Variants in ZFP36L1 observed in about 807,000 individuals in gnomAD.
The protein encoded by ZFP36L1 is ZFP36 like 1 zinc finger CCCH-type, also known as mRNA decay activator protein ZFP36L1.
In ZFP36L1, 4 loss-of-function variants were observed where a neutral mutation model predicts 16.7. That is an observed-to-expected ratio of 0.24 (90% CI 0.12 to 0.55). The LOEUF (loss-of-function observed/expected upper bound fraction) is 0.55, where lower values mean the gene tolerates loss of function less well. Among genes scored for constraint, ZFP36L1 ranks in the 20% least tolerant of loss-of-function variants. The pLI is 0.94. For synonymous variants in ZFP36L1, 220 were observed against 190.8 expected, an observed-to-expected ratio of 1.15 and a Z score of -1.26; for missense variants, 311 against 449.2, an observed-to-expected ratio of 0.69 and a Z score of 2.78.
rs1216396443 is a variant in ZFP36L1, at chr14:68,792,956, G to A, written c.-18C>T. On this transcript the variant is annotated 5_prime_UTR_variant, in exon 1 of 2. Transcript: ENST00000439696. ...GTGGTCATCCTGTGCGTTCGCGCGAGCCAGGGGCGAGGATCTGGTGTGTCG... is the reference window on the plus strand; with the variant it reads ...GTGGTCATCCTGTGCGTTCGCGCGAACCAGGGGCGAGGATCTGGTGTGTCG... The A allele has an allele frequency of 6.2e-7, 1 of 1,613,562 alleles. No homozygotes were observed. The highest frequency in any genetic ancestry group is 1.7e-5 in the Admixed American group (1 of 59,996).
rs1469767367 is a variant in ZFP36L1, at chr14:68,788,984, G to A, written c.*549C>T. The A allele has an allele frequency of 1.3e-5, 2 of 152,714 alleles. No homozygotes were observed. The highest frequency in any genetic ancestry group is 2.9e-5 in the Non-Finnish European group (2 of 68,276). 9.5% of individuals were successfully genotyped at this position (152,714 alleles called of 1,614,324 possible). A position where few individuals can be genotyped will look rare whatever the true frequency, so the allele number is the denominator to read the frequency against. On this transcript the variant is annotated 3_prime_UTR_variant, in exon 2 of 2. Coordinates refer to ENST00000439696, the MANE Select transcript of ZFP36L1 (RefSeq NM_004926.4). ...TGGAGAGGTGCCACCGGGAAGAGGG[G>A]AGGAGGAATAAGTGTGCGGGAGACT...
In ZFP36L1 at chr14:68,790,055, G is replaced by A; in HGVS notation, c.495C>T (p.Gly165=). 6.2e-7 allele frequency: 1 copy of A among 1,610,982 alleles called. No homozygotes were observed. The highest frequency in any genetic ancestry group is 8.5e-7 in the Non-Finnish European group (1 of 1,178,734). ...TELCRTFHTI[G]FCPYGPRCHF... is the part of the protein sequence containing the mutation. ...GGCAGCGGGGCCCGTAGGGGCAAAA[G>A]CCGATGGTGTGGAAGGTGCGGCACA... Residue 165 remains glycine (G), a synonymous_variant, in exon 2 of 2, where the codon GGC becomes GGT. Coordinates refer to ENST00000439696, the MANE Select transcript of ZFP36L1 (RefSeq NM_004926.4).
upstream of ZFP36L1, chr14:68,794,654 T>C (rs1178431468): frequency 6.6e-6 from 1 of 152,364 alleles, no homozygotes; most frequent in African/African-American, 2.4e-5. Flanking sequence ...TGCGATGTAA[T>C]TAGGTCACCC....
chr14:68,794,015 A>G, upstream of ZFP36L1: 1 of 840,282 alleles, frequency 1.2e-6, no homozygotes, highest in South Asian at 5.4e-5. Context: ...CACGCATCCA[A>G]TCTTTAAACT....
chr14:68,793,392 C>T, upstream of ZFP36L1: 3 of 1,002,760 alleles, frequency 3.0e-6, no homozygotes, highest in Non-Finnish European at 3.6e-6. Flanking sequence ...GGCGCCCCCT[C>T]TCCGGGGCCG....
chr14:68,789,158 A>T lies in ZFP36L1; in HGVS notation c.*375T>A. 1 of 199,670 alleles carries T rather than the reference A, an allele frequency of 5.0e-6. No individual in the cohort carries two copies. The highest frequency in any genetic ancestry group is 1.0e-5 in the Non-Finnish European group (1 of 96,416). The allele number at this position is 199,670 out of a possible 1,614,324, so 12.4% of individuals were successfully genotyped here. A position where few individuals can be genotyped will look rare whatever the true frequency, so the allele number is the denominator to read the frequency against. On this transcript the variant is annotated 3_prime_UTR_variant, in exon 2 of 2. Transcript: ENST00000439696. This position sits in a 1 kb window ranked among gnomAD's most constrained non-coding sequence, Gnocchi z 4.5. Reference sequence around the variant, plus strand: ...AGTCACAGTGACAAAGTTAGATTACAAGGCACTAAGTTGCTTCTGTAAACT... The same window carrying T: ...AGTCACAGTGACAAAGTTAGATTACTAGGCACTAAGTTGCTTCTGTAAACT...
At position 68,790,297 on chromosome 14, in the gene ZFP36L1, G is replaced by C; in HGVS notation, c.253C>G (p.Arg85Gly). 1 of 1,609,988 alleles carries C rather than the reference G, an allele frequency of 6.2e-7. No homozygotes were observed. The highest frequency in any genetic ancestry group is 8.5e-7 in the Non-Finnish European group (1 of 1,179,364). ...TCCGAGAAGGAGCGGTCTCGGAAGC[G>C]GCTGTCTCGCGAGCTCAGAGCGGGG... ...PAPALSSRDS[R>G]FRDRSFSEGG... The change falls in exon 2 of 2, where the codon CGC becomes GGC. Residue 85 changes from arginine (R) to glycine (G), a missense_variant. This residue lies in a region of ZFP36L1 where 137 missense variants were observed against 142.6 expected (regional missense o/e 0.96). Transcript: ENST00000439696.
rs1011437876 is a variant in ZFP36L1, at chr14:68,791,051, C to A, written c.58-559G>T. 22 of 702,002 alleles carry A rather than the reference C, an allele frequency of 3.1e-5. No homozygotes were observed. The African/African-American group carries it at 3.7e-4, about 12-fold the overall frequency. 43.5% of individuals were successfully genotyped at this position (702,002 alleles called of 1,614,324 possible). On this transcript the variant is annotated intron_variant, in intron 1 of 1. Transcript: ENST00000439696. ...CCTTTGGCAACAGGTTTTCAGACTG[C>A]CTTTGCTTTTTCTTGTGGGGAGGAG...
At position 68,788,587 on chromosome 14, in the gene ZFP36L1, CCTTA is replaced by C. The variant is rs995720539; in HGVS notation, c.*942_*945del. Reference sequence around the variant, plus strand: ...GAATGAATACCATTAACTGCTCACCCCTTACTTTTTTTTTTTTAGCTTTTCTCTC... The same window carrying C: ...GAATGAATACCATTAACTGCTCACCCCTTTTTTTTTTTTAGCTTTTCTCTC... On this transcript the variant is annotated 3_prime_UTR_variant, in exon 2 of 2. Coordinates refer to ENST00000439696, the MANE Select transcript of ZFP36L1 (RefSeq NM_004926.4). 2.6e-5 allele frequency: 4 copies of C among 152,184 alleles called. No homozygotes were observed. The highest frequency in any genetic ancestry group is 4.8e-5 in the African/African-American group (2 of 41,384). 9.4% of individuals were successfully genotyped at this position (152,184 alleles called of 1,614,324 possible).
chr14:68,792,417 GTGGAGGAAAACAT>G (rs1160134975), intron 1 of ZFP36L1, among the ~76,000 whole-genome samples: 1 of 152,136 alleles, frequency 6.6e-6, no homozygotes, highest in African/African-American at 2.4e-5. Flanking sequence ...CCCCCAAAGA[GTGGAGGAAAACAT>G]TGTCCCGAGA....
chr14:68,790,850 C>T, intron 1 of ZFP36L1: 1 of 593,276 alleles, frequency 1.7e-6, no homozygotes, highest in Non-Finnish European at 3.0e-6. Context: ...CCAGACCTCT[C>T]TAGATTACCG....
chr14:68,789,869 G>C lies in ZFP36L1; in HGVS notation c.681C>G (p.Thr227=). Reference sequence around the variant, plus strand: ...CATCGGCGCTCAGAATAGGGGGTGGGGTGATGGACGTGGGGCTGTCCAGCA... The same window carrying C: ...CATCGGCGCTCAGAATAGGGGGTGGCGTGATGGACGTGGGGCTGTCCAGCA... ...TGLLDSPTSI[T]PPPILSADDL... is the part of the protein sequence containing the mutation. The change falls in exon 2 of 2, where the codon ACC becomes ACG. Residue 227 remains threonine (T), a synonymous_variant. Coordinates refer to ENST00000439696, the MANE Select transcript of ZFP36L1 (RefSeq NM_004926.4). The surrounding 1 kb of genome is among the most constrained non-coding windows in gnomAD (Gnocchi z 4.5). The C allele has an allele frequency of 6.2e-7, 1 of 1,610,522 alleles. No individual in the cohort carries two copies. Among genetic ancestry groups the C allele is most frequent in the Non-Finnish European group, 8.5e-7 (1 of 1,180,004 alleles).
rs778922328 is a variant in ZFP36L1, at chr14:68,789,674, G to A, written c.876C>T (p.Pro292=). ...MSESPHMFDS[P]PSPQDSLSDQ... The stretch of plus-strand genomic sequence containing the variant: ...CCGAGAGAGAATCCTGAGGGCTGGG[G>A]GGAGAGTCAAACATGTGAGGGGACT... Residue 292 remains proline (P), a synonymous_variant, in exon 2 of 2, where the codon CCC becomes CCT. Coordinates refer to ENST00000439696, the MANE Select transcript of ZFP36L1 (RefSeq NM_004926.4). This position sits in a 1 kb window ranked among gnomAD's most constrained non-coding sequence, Gnocchi z 4.5. 3.7e-6 allele frequency: 6 copies of A among 1,613,928 alleles called. No homozygotes were observed. The highest frequency in any genetic ancestry group is 4.5e-5 in the East Asian group (2 of 44,886).
upstream of ZFP36L1, chr14:68,794,876 ACGTGATCC>A (rs1297437886): frequency 1.3e-5 from 2 of 152,678 alleles, no homozygotes; most frequent in Admixed American, 1.3e-4. Context: ...CCACGAACCT[ACGTGATCC>A]CAGCGGGGTC....
rs763847317 is a variant in ZFP36L1 at position 68,792,966 on chromosome 14, A to C, written c.-28T>G. 1 of 1,613,348 alleles carries C rather than the reference A, an allele frequency of 6.2e-7. No homozygotes were observed. Among genetic ancestry groups the C allele is most frequent in the African/African-American group, 1.3e-5 (1 of 75,034 alleles). The stretch of plus-strand genomic sequence containing the variant: ...TGTGCGTTCGCGCGAGCCAGGGGCG[A>C]GGATCTGGTGTGTCGCGAAGGTCCC... On this transcript the variant is annotated 5_prime_UTR_variant, in exon 1 of 2. Transcript: ENST00000439696.
At chr14:68,793,442 C>T (rs1895165352), upstream of ZFP36L1, 1 of 995,698 alleles carries the variant, frequency 1.0e-6, no homozygotes, top group African/African-American at 1.7e-5. Context: ...CCTCCTTTGT[C>T]AGCCTCAGAG....
upstream of ZFP36L1, chr14:68,795,689 G>C (rs1426142905): frequency 4.2e-6 from 2 of 473,294 alleles, no homozygotes; most frequent in Non-Finnish European, 8.7e-6. Context: ...GGCCTAGCCC[G>C]CTCGCTCCCG....
chr14:68,789,879 G>A lies in ZFP36L1; in HGVS notation c.671C>T (p.Thr224Met). 6.2e-7 allele frequency: 1 copy of A among 1,610,354 alleles called. No individual in the cohort carries two copies. The change falls in exon 2 of 2, where the codon ACG becomes ATG. Residue 224 changes from threonine to methionine, a missense_variant. Thr to Met is a moderately conservative substitution (Grantham distance 81). This residue lies in a region of ZFP36L1 where 147 missense variants were observed against 192.0 expected (regional missense o/e 0.77). Transcript: ENST00000439696. The surrounding 1 kb of genome is among the most constrained non-coding windows in gnomAD (Gnocchi z 4.5). ...AAATGLLDSP[T>M]SITPPPILSA... is the part of the protein sequence containing the mutation. ...CAGAATAGGGGGTGGGGTGATGGACGTGGGGCTGTCCAGCAGCCCGGTGGC... is the reference window on the plus strand; with the variant it reads ...CAGAATAGGGGGTGGGGTGATGGACATGGGGCTGTCCAGCAGCCCGGTGGC...
At chr14:68,792,096 T>C (rs1408312643) in intron 1 of ZFP36L1, among the ~76,000 whole-genome samples, 1 of 152,170 alleles carries the variant, frequency 6.6e-6, no homozygotes, top group Non-Finnish European at 1.5e-5. Flanking sequence ...TTTTCAACAC[T>C]GGCTGACAAG....
Sources: allele counts gnomAD v4.1 joint callset (sites outside exome capture counted in the v4.1 genomes callset), GRCh38; gene constraint gnomAD v4.1.1; regional missense constraint gnomAD v4.1.1; non-coding constraint Gnocchi (gnomAD v3.1); transcripts MANE v1.5; gene names NCBI Gene and HGNC (gene_info 2026-07-23, HGNC 2026-07-21).